Variants in ABCA8 observed in about 807,000 individuals in gnomAD.
The protein encoded by ABCA8 is ATP binding cassette subfamily A member 8.
A neutral mutation model predicts 192.3 loss-of-function variants in ABCA8; 177 were observed. That is an observed-to-expected ratio of 0.92 (90% CI 0.81 to 1.04). ABCA8 has a LOEUF of 1.04. ABCA8 is among the 50% of genes least tolerant of loss of function. ABCA8 has a pLI of 0.00. For missense variants in ABCA8, 1,915 were observed against 1,904.8 expected (o/e 1.01, Z -0.10); for synonymous variants, 642 against 690.2 (o/e 0.93, Z 1.09).
intron 10 of ABCA8, 77 bp downstream of exon 10, chr17:68,927,839 G>C (rs911370338): frequency 8.9e-7 from 1 of 1,120,836 alleles, no homozygotes; most frequent in African/African-American, 1.6e-5. Flanking sequence ...AATATAAATA[G>C]TATATCCATT....
At chr17:68,953,280 C>T (rs962690825) in intron 1 of ABCA8, among the ~76,000 whole-genome samples, 4 of 152,192 alleles carry the variant, frequency 2.6e-5, no homozygotes, top group Non-Finnish European at 4.4e-5. Flanking sequence ...TCATTTGGCT[C>T]ATAAGTCCTG....
At chr17:68,889,245 C>A (rs918559202) in intron 24 of ABCA8, among the ~76,000 whole-genome samples, 7 of 152,134 alleles carry the variant, frequency 4.6e-5, no homozygotes, top group Non-Finnish European at 8.8e-5. Flanking sequence ...GTTTCATAGA[C>A]TTTTTCCATA....
At position 68,944,843 on chromosome 17, in the gene ABCA8, C is replaced by T. The variant is rs902089759; in HGVS notation, c.-5-2804G>A. ...ACCCAGCACGGATACAAAGCAGAGA[C>T]AGGCTCTCACCACGGCGGGGGAGAG... is the stretch of plus-strand genomic sequence containing the variant. On this transcript the variant is annotated intron_variant, in intron 2 of 39. Coordinates refer to ENST00000586539, the MANE Select transcript of ABCA8 (RefSeq NM_001288985.2). The T allele has an allele frequency of 3.3e-5, 5 of 152,360 alleles. No homozygotes were observed. The East Asian group carries it at 9.7e-4, about 29-fold the overall frequency. The allele number at this position is 152,360 out of a possible 1,614,324, so 9.4% of individuals were successfully genotyped here. A position where few individuals can be genotyped will look rare whatever the true frequency, so the allele number is the denominator to read the frequency against.
rs973689427 is a variant in ABCA8 at position 68,867,802 on chromosome 17, T to C, written c.*283A>G. On this transcript the variant is annotated 3_prime_UTR_variant, in exon 40 of 40. Transcript: ENST00000586539. ...TTTGTTTATCTTATCTAGAAACTTA[T>C]ACGATCATGTAAAAGTAAATTTATT... is the stretch of plus-strand genomic sequence containing the variant. The C allele has an allele frequency of 2.6e-5, 6 of 231,152 alleles. No homozygotes were observed. The highest frequency in any genetic ancestry group is 5.0e-5 in the Non-Finnish European group (6 of 121,124). 14.3% of individuals were successfully genotyped at this position (231,152 alleles called of 1,614,324 possible). A position where few individuals can be genotyped will look rare whatever the true frequency, so the allele number is the denominator to read the frequency against.
chr17:68,922,305 A>G lies in ABCA8; in HGVS notation c.1443-5T>C. 7.6e-7 allele frequency: 1 copy of G among 1,310,382 alleles called. No homozygotes were observed. Among genetic ancestry groups the G allele is most frequent in the Non-Finnish European group, 1.0e-6 (1 of 978,378 alleles). The allele number at this position is 1,310,382 out of a possible 1,614,324, so 81.2% of individuals were successfully genotyped here. ...TCTTTTGTAACATTTCTGATTCTGA[A>G]AAAAAGAAAAGATACTTCAAAGTGA... On this transcript the variant is annotated splice_polypyrimidine_tract_variant and splice_region_variant and intron_variant, in intron 11 of 39. Transcript: ENST00000586539.
intron 7 of ABCA8, among the ~76,000 whole-genome samples, chr17:68,930,453 ATTTCT>A (rs1308858262): frequency 1.3e-5 from 2 of 152,086 alleles, no homozygotes; most frequent in East Asian, 1.9e-4. Context: ...TTCCTCATCA[ATTTCT>A]TTTCTTTTGT....
intron 17 of ABCA8, among the ~76,000 whole-genome samples, chr17:68,910,090 C>T (rs2067194887): frequency 6.6e-6 from 1 of 152,104 alleles, no homozygotes; most frequent in Non-Finnish European, 1.5e-5. Flanking sequence ...CCAGATAGAA[C>T]CCTCCAGAAA....
At chr17:68,921,349 A>AT (rs1235887600) in intron 13 of ABCA8, 33 bp downstream of exon 13, 1 of 1,503,208 alleles carries the variant, frequency 6.7e-7, no homozygotes, top group Admixed American at 1.8e-5. Context: ...TTAAAGTATA[A>AT]TTTAAAAAAA....
intron 4 of ABCA8, among the ~76,000 whole-genome samples, chr17:68,937,511 T>G (rs1202177282): frequency 1.3e-5 from 2 of 152,160 alleles, no homozygotes. Context: ...CTATACAAAT[T>G]TATTTTTCTT....
intron 13 of ABCA8, among the ~76,000 whole-genome samples, chr17:68,920,387 C>T (rs2143620766): frequency 6.6e-6 from 1 of 151,514 alleles, no homozygotes; most frequent in South Asian, 2.1e-4. Context: ...TTACATGCAC[C>T]CCCAAACCTA....
chr17:68,871,107 A>G (rs1166954161), intron 37 of ABCA8, among the ~76,000 whole-genome samples: 1 of 152,100 alleles, frequency 6.6e-6, no homozygotes, highest in Non-Finnish European at 1.5e-5. Context: ...TTTATTTCTT[A>G]TTATTCTGGA....
chr17:68,891,277 G>C (rs2066615712), intron 24 of ABCA8, among the ~76,000 whole-genome samples: 1 of 150,622 alleles, frequency 6.6e-6, no homozygotes, highest in Non-Finnish European at 1.5e-5. Context: ...CTAGCTTGTT[G>C]GAATATCCAG....
chr17:68,922,376 A>G lies in ABCA8; in HGVS notation c.1443-76T>C, dbSNP rs551623459. The stretch of plus-strand genomic sequence containing the variant: ...TTTCCAGTTTGGTAGACAGGATTGG[A>G]TAAATCTTAACTTCAGGATACATGA... On this transcript the variant is annotated intron_variant, in intron 11 of 39. Coordinates refer to ENST00000586539, the MANE Select transcript of ABCA8 (RefSeq NM_001288985.2). 111 of 1,024,996 alleles carry G rather than the reference A, an allele frequency of 1.1e-4. No homozygotes were observed. In the African/African-American group the frequency reaches 1.5e-3, roughly 13 times the overall value. The allele number at this position is 1,024,996 out of a possible 1,614,324, so 63.5% of individuals were successfully genotyped here.
At chr17:68,869,876 TG>T in intron 37 of ABCA8, 97 bp from the exon 38 acceptor site, 1 of 859,462 alleles carries the variant, frequency 1.2e-6, no homozygotes. Context: ...TTTTAAAAAA[TG>T]GTGTTAGGAA....
At chr17:68,918,578 C>A in intron 14 of ABCA8, 32 bp from the exon 15 acceptor site, 5 of 1,448,244 alleles carry the variant, frequency 3.5e-6, no homozygotes, top group Non-Finnish European at 4.5e-6. Flanking sequence ...TGTCATACAC[C>A]AAAATTTATT....
chr17:68,919,168 T>C, intron 14 of ABCA8, 133 bp downstream of exon 14: 1 of 788,392 alleles, frequency 1.3e-6, no homozygotes, highest in East Asian at 2.6e-5. Flanking sequence ...TGTTAGCTAT[T>C]GTTTAAATTG....
At chr17:68,887,919 TA>T (rs2066521726) in intron 24 of ABCA8, among the ~76,000 whole-genome samples, 1 of 22,918 alleles carries the variant, frequency 4.4e-5, no homozygotes, top group Non-Finnish European at 6.7e-5. Context: ...CATATATATA[TA>T]TATATTATAT....
intron 18 of ABCA8, 97 bp downstream of exon 18, chr17:68,907,643 C>A (rs2067107311): frequency 2.7e-6 from 3 of 1,131,044 alleles, no homozygotes. Flanking sequence ...CCTGAGCATA[C>A]TGTAAGACAT....
chr17:68,950,310 T>C (rs1046429742), intron 1 of ABCA8, among the ~76,000 whole-genome samples: 1 of 152,168 alleles, frequency 6.6e-6, no homozygotes, highest in Non-Finnish European at 1.5e-5. Flanking sequence ...CAAGCTACCA[T>C]TGACTTTCTT....
Sources: allele counts gnomAD v4.1 joint callset (sites outside exome capture counted in the v4.1 genomes callset), GRCh38; gene constraint gnomAD v4.1.1; transcripts MANE v1.5; gene names NCBI Gene and HGNC (gene_info 2026-07-23, HGNC 2026-07-21).